Variants in PKHD1L1 observed in about 807,000 individuals in gnomAD.
PKHD1L1 encodes the protein fibrocystin-L.
Under a neutral mutation model 462.9 loss-of-function variants are expected in PKHD1L1, and 434 were observed. The observed-to-expected ratio is 0.94, with a 90% CI of 0.87 to 1.02. PKHD1L1 has a LOEUF of 1.02. Among genes scored for constraint, PKHD1L1 ranks in the 50% least tolerant of loss-of-function variants. PKHD1L1 has a pLI of 0.00. For synonymous variants in PKHD1L1, 1,781 were observed against 1,750.0 expected (o/e 1.02, Z -0.44); for missense variants, 5,202 against 5,096.1 (o/e 1.02, Z -0.63).
intron 76 of PKHD1L1, among the ~76,000 whole-genome samples, chr8:109,524,023 A>C (rs1586667363): frequency 2.0e-5 from 3 of 152,192 alleles, no homozygotes; most frequent in Admixed American, 1.3e-4. Flanking sequence ...CTATCTTCAT[A>C]TAGGTTGATG....
chr8:109,449,273 A>C, intron 39 of PKHD1L1, 65 bp from the exon 40 acceptor site: 4 of 1,419,378 alleles, frequency 2.8e-6, no homozygotes, highest in Non-Finnish European at 3.7e-6. Context: ...AAGGTAAAAA[A>C]TATGTACACA....
At chr8:109,374,577 T>C (rs935617853) in intron 2 of PKHD1L1, among the ~76,000 whole-genome samples, 4 of 152,256 alleles carry the variant, frequency 2.6e-5, no homozygotes, top group African/African-American at 9.6e-5. Context: ...GGTTAGTTGA[T>C]GCAGTTTCTT....
Position 109,438,329 on chromosome 8 carries a change from T to A in PKHD1L1, c.3633T>A (p.Thr1211=). The A allele has an allele frequency of 6.7e-7, 1 of 1,491,900 alleles. No individual in the cohort carries two copies. The highest frequency in any genetic ancestry group is 9.0e-7 in the Non-Finnish European group (1 of 1,114,528). The allele number at this position is 1,491,900 out of a possible 1,614,324, so 92.4% of individuals were successfully genotyped here. ...TTTTTTTCCTCTTATTTTAGAAAAC[T>A]GAGGGTACAGTTGATATTTCAGTTA... ...NRITCRTPKK[T]EGTVDISVTT... Residue 1211 remains threonine (T), a synonymous_variant, in exon 31 of 78, where the codon ACT becomes ACA. Transcript: ENST00000378402.
In PKHD1L1 at chr8:109,534,245, G is replaced by A. The variant is rs556295529; in HGVS notation, c.*4155G>A. Among the ~76,000 whole-genome samples, 29 of 152,346 alleles carry A rather than the reference G, an allele frequency of 1.9e-4. No individual in the cohort carries two copies. The highest frequency in any genetic ancestry group is 5.5e-4 in the African/African-American group (23 of 41,584). On this transcript the variant is annotated 3_prime_UTR_variant, in exon 78 of 78. Coordinates refer to ENST00000378402, the MANE Select transcript of PKHD1L1 (RefSeq NM_177531.6). Reference sequence around the variant, plus strand: ...TGGGAGGCCAAGGCAGGCGGATCACGAGGTCAGGAGATCGAGACTATCCTG... The same window carrying A: ...TGGGAGGCCAAGGCAGGCGGATCACAAGGTCAGGAGATCGAGACTATCCTG...
In PKHD1L1 at chr8:109,373,731, C is replaced by T. The variant is rs554933005; in HGVS notation, c.164-7639C>T. ...CTTTGTCCTCGTTGGTTTCAAAGAA[C>T]ATCTTTATTTCTGCCTTCATTTTAT... On this transcript the variant is annotated intron_variant, in intron 2 of 77. Transcript: ENST00000378402. Among the ~76,000 whole-genome samples the T allele has an allele frequency of 1.6e-3, 245 of 152,260 alleles. 2 individuals carry two copies. Among genetic ancestry groups the T allele is most frequent in the African/African-American group, 5.7e-3 (237 of 41,542 alleles).
chr8:109,451,296 A>G, intron 41 of PKHD1L1, 147 bp downstream of exon 41: 1 of 831,776 alleles, frequency 1.2e-6, no homozygotes, highest in Non-Finnish European at 1.7e-6. Flanking sequence ...CAAAAATAGT[A>G]CTAATTGCTA....
intron 76 of PKHD1L1, among the ~76,000 whole-genome samples, chr8:109,525,345 G>C (rs1477767419): frequency 6.6e-6 from 1 of 152,172 alleles, no homozygotes; most frequent in Non-Finnish European, 1.5e-5. Flanking sequence ...CAGACACTGG[G>C]ACATATTTGT....
rs532960578 is a variant in PKHD1L1 at position 109,477,095 on chromosome 8, C to A, written c.8918-130C>A. On this transcript the variant is annotated intron_variant, in intron 52 of 77. Transcript: ENST00000378402. ...CATACATTATCAGAATTTCTCCATA[C>A]CTCTTCCATACATGTGAATTATAAT... 4.8e-5 allele frequency: 37 copies of A among 768,876 alleles called. No homozygotes were observed. The Admixed American group carries it at 6.6e-4, about 14-fold the overall frequency. The allele number at this position is 768,876 out of a possible 1,614,324, so 47.6% of individuals were successfully genotyped here.
At position 109,399,069 on chromosome 8, in the gene PKHD1L1, T is replaced by G. The variant is rs1813121163; in HGVS notation, c.1012+521T>G. Among the ~76,000 whole-genome samples, 5 of 152,182 alleles carry G rather than the reference T, an allele frequency of 3.3e-5. No individual in the cohort carries two copies. The South Asian group carries it at 1.0e-3, about 31-fold the overall frequency. ...ATCATTGAAATGCTGTACATGTGTC[T>G]GCGTGTGGTGTGTATCTCATATCTT... On this transcript the variant is annotated intron_variant, in intron 12 of 77. Coordinates refer to ENST00000378402, the MANE Select transcript of PKHD1L1 (RefSeq NM_177531.6).
intron 22 of PKHD1L1, 146 bp from the exon 23 acceptor site, chr8:109,420,372 C>A (rs145765078): frequency 2.0e-6 from 1 of 508,924 alleles, no homozygotes; most frequent in Non-Finnish European, 3.3e-6. Flanking sequence ...ATTTTAAATA[C>A]TTCATGACAA....
chr8:109,449,306 C>A, intron 39 of PKHD1L1, 32 bp from the exon 40 acceptor site: 1 of 1,531,872 alleles, frequency 6.5e-7, no homozygotes, highest in Non-Finnish European at 8.8e-7. Flanking sequence ...TTTTAATTAG[C>A]TTTGTTTTTC....
intron 28 of PKHD1L1, 133 bp from the exon 29 acceptor site, chr8:109,435,057 A>G (rs1478653047): frequency 3.6e-6 from 3 of 844,322 alleles, no homozygotes; most frequent in Non-Finnish European, 3.6e-6. Flanking sequence ...ACATTAATAT[A>G]TGATTGGTTT....
At chr8:109,425,023 T>G in intron 23 of PKHD1L1, 62 bp from the exon 24 acceptor site, 1 of 1,318,212 alleles carries the variant, frequency 7.6e-7, no homozygotes. Context: ...CATGATGAAA[T>G]AGAAATCATG....
At chr8:109,375,390 T>C (rs1811759255) in intron 2 of PKHD1L1, among the ~76,000 whole-genome samples, 1 of 152,312 alleles carries the variant, frequency 6.6e-6, no homozygotes, top group Middle Eastern at 3.4e-3. Flanking sequence ...GTTATTCTAG[T>C]TAGCCATTCG....
intron 49 of PKHD1L1, among the ~76,000 whole-genome samples, chr8:109,465,533 T>C (rs1213693626): frequency 6.6e-6 from 1 of 152,166 alleles, no homozygotes; most frequent in East Asian, 1.9e-4. Flanking sequence ...GAAACATTGA[T>C]CACAAAAGGA....
chr8:109,489,074 A>G (rs780834237), intron 59 of PKHD1L1, among the ~76,000 whole-genome samples: 14 of 151,950 alleles, frequency 9.2e-5, no homozygotes, highest in Admixed American at 2.0e-4. Flanking sequence ...GCTTGTAGTA[A>G]TCATGTCTTC....
chr8:109,413,472 C>A lies in PKHD1L1; in HGVS notation c.2287C>A (p.Gln763Lys). ...FLANYIGLKF[Q>K]YQDNSKITRS... The stretch of plus-strand genomic sequence containing the variant: ...GGCAAATTATATTGGTCTAAAATTT[C>A]AGTACCAAGACAATAGCAAGATTAC... The change falls in exon 21 of 78, where the codon CAG becomes AAG. Residue 763 changes from glutamine (Q) to lysine (K), a missense_variant. Gln to Lys is a moderately conservative substitution (Grantham distance 53). This residue lies in a region of PKHD1L1 where 4,497 missense variants were observed against 4,336.8 expected (regional missense o/e 1.04). Transcript: ENST00000378402. 6.3e-7 allele frequency: 1 copy of A among 1,580,640 alleles called. No homozygotes were observed. Among genetic ancestry groups the A allele is most frequent in the South Asian group, 1.2e-5 (1 of 84,908 alleles).
Position 109,429,369 on chromosome 8 carries a change from G to C in PKHD1L1, c.3030G>C (p.Lys1010Asn), listed in dbSNP as rs1158671993. ...QINDSNIIGE[K>N]ANMTVTRIKE... The stretch of plus-strand genomic sequence containing the variant: ...ATGATTCCAACATTATTGGAGAAAA[G>C]GCTAATATGACAGTTACAAGGATAA... The change falls in exon 26 of 78, where the codon AAG (lysine) becomes AAC (asparagine). Residue 1010 changes from lysine to asparagine, a missense_variant. This residue lies in a region of PKHD1L1 where 4,497 missense variants were observed against 4,336.8 expected (regional missense o/e 1.04). Coordinates refer to ENST00000378402, the MANE Select transcript of PKHD1L1 (RefSeq NM_177531.6). The C allele has an allele frequency of 1.3e-6, 2 of 1,546,412 alleles. No homozygotes were observed. The highest frequency in any genetic ancestry group is 1.8e-6 in the Non-Finnish European group (2 of 1,129,410).
chr8:109,476,583 G>A lies in PKHD1L1; in HGVS notation c.8833G>A (p.Gly2945Ser). ...GTTTAATATTATTGATATGAGGAATGGTTCCTCAAATCCATTGAATTGGAA... is the reference window on the plus strand; with the variant it reads ...GTTTAATATTATTGATATGAGGAATAGTTCCTCAAATCCATTGAATTGGAA... ...DMFNIIDMRN[G>S]SSNPLNWNTS... is the part of the protein sequence containing the mutation. Residue 2945 changes from glycine to serine, a missense_variant, in exon 52 of 78, where the codon GGT becomes AGT. This residue lies in a region of PKHD1L1 where 4,497 missense variants were observed against 4,336.8 expected (regional missense o/e 1.04). Coordinates refer to ENST00000378402, the MANE Select transcript of PKHD1L1 (RefSeq NM_177531.6). 1 of 1,569,044 alleles carries A rather than the reference G, an allele frequency of 6.4e-7. No individual in the cohort carries two copies. The highest frequency in any genetic ancestry group is 8.7e-7 in the Non-Finnish European group (1 of 1,148,770).
Sources: gnomAD v4.1 joint callset for allele counts (sites outside exome capture counted in the v4.1 genomes callset) on GRCh38, gnomAD v4.1.1 for gene constraint, gnomAD v4.1.1 regional missense constraint, MANE v1.5 for transcripts, NCBI Gene and HGNC (gene_info 2026-07-23, HGNC 2026-07-21) for gene names.